Variants in SAMD4A observed in about 807,000 individuals in gnomAD.
SAMD4A encodes protein Smaug homolog 1.
Under a neutral mutation model 81.3 loss-of-function variants are expected in SAMD4A, and 33 were observed. That is an observed-to-expected ratio of 0.41 (90% CI 0.31 to 0.54). The LOEUF is 0.54. Among genes scored for constraint, SAMD4A ranks in the 20% least tolerant of loss-of-function variants. SAMD4A has a pLI of 0.37. For missense variants in SAMD4A, 854 were observed against 951.1 expected (o/e 0.90, Z 1.34); for synonymous variants, 389 against 382.1 (o/e 1.02, Z -0.21).
At chr14:54,727,142 T>C (rs1230287194) in intron 3 of SAMD4A, among the ~76,000 whole-genome samples, 2 of 148,566 alleles carry the variant, frequency 1.3e-5, no homozygotes, top group Non-Finnish European at 3.0e-5. Flanking sequence ...GAATGAAGCT[T>C]ATCACAACAG....
At chr14:54,592,889 C>T (rs1488472506) in intron 2 of SAMD4A, among the ~76,000 whole-genome samples, 6 of 152,092 alleles carry the variant, frequency 3.9e-5, no homozygotes, top group Admixed American at 2.6e-4. Flanking sequence ...TATGTTTATG[C>T]GTGTTTTTAA....
At chr14:54,609,162 T>C (rs774274815) in intron 2 of SAMD4A, among the ~76,000 whole-genome samples, 6 of 152,192 alleles carry the variant, frequency 3.9e-5, no homozygotes, top group Non-Finnish European at 8.8e-5. Context: ...TTATCCCAGA[T>C]TATTGTAGTG....
At position 54,576,469 on chromosome 14, in the gene SAMD4A, C is replaced by T. The variant is rs12590747; in HGVS notation, c.196+8357C>T. Among the ~76,000 whole-genome samples the T allele has an allele frequency of 7.2e-4, 110 of 152,278 alleles. No individual in the cohort carries two copies. The East Asian group carries it at 0.015, about 21-fold the overall frequency. ...AAGGAGGGAGAAACCAGGTTTTGCACATTGTAGGCATCTGAGAGGTTAATA... is the reference window on the plus strand; with the variant it reads ...AAGGAGGGAGAAACCAGGTTTTGCATATTGTAGGCATCTGAGAGGTTAATA... On this transcript the variant is annotated intron_variant, in intron 2 of 12. Transcript: ENST00000554335.
intron 3 of SAMD4A, among the ~76,000 whole-genome samples, chr14:54,710,479 A>G (rs2036961283): frequency 6.6e-6 from 1 of 152,194 alleles, no homozygotes; most frequent in South Asian, 2.1e-4. Flanking sequence ...TCACAGACCT[A>G]CTAAGTAGTT....
intron 11 of SAMD4A, among the ~76,000 whole-genome samples, chr14:54,782,447 G>T (rs1468795629): frequency 6.6e-6 from 1 of 152,050 alleles, no homozygotes; most frequent in Non-Finnish European, 1.5e-5. Context: ...CACATGAATG[G>T]ATGAAAATAC....
chr14:54,733,961 C>A (rs867890098), intron 3 of SAMD4A, among the ~76,000 whole-genome samples: 2 of 152,322 alleles, frequency 1.3e-5, no homozygotes, highest in Middle Eastern at 6.8e-3. Context: ...CTGGCCCCCT[C>A]GTCAATTCCA....
At chr14:54,719,685 G>GT (rs1434780880) in intron 3 of SAMD4A, among the ~76,000 whole-genome samples, 2 of 152,140 alleles carry the variant, frequency 1.3e-5, no homozygotes, top group Non-Finnish European at 2.9e-5. Context: ...ACTGACCTGG[G>GT]TTTGAGTCCC....
intron 2 of SAMD4A, among the ~76,000 whole-genome samples, chr14:54,618,578 G>T (rs1279739674): frequency 4.8e-4 from 73 of 152,156 alleles, no homozygotes; most frequent in Non-Finnish European, 8.8e-5. Context: ...TTTAAGTCAA[G>T]TTTAGAATAG....
At chr14:54,720,238 A>C (rs1409404293) in intron 3 of SAMD4A, among the ~76,000 whole-genome samples, 1 of 152,054 alleles carries the variant, frequency 6.6e-6, no homozygotes, top group African/African-American at 2.4e-5. Flanking sequence ...ATAGCTGCCA[A>C]ATCTTTTCTA....
intron 2 of SAMD4A, among the ~76,000 whole-genome samples, chr14:54,608,664 C>G (rs1245692547): frequency 6.6e-6 from 1 of 152,164 alleles, no homozygotes; most frequent in Non-Finnish European, 1.5e-5. Flanking sequence ...ATTCTTTGAG[C>G]AATGGATTTT....
chr14:54,776,015 TAAAAAA>T (rs10539223), intron 10 of SAMD4A, among the ~76,000 whole-genome samples: 27 of 89,838 alleles, frequency 3.0e-4, no homozygotes, highest in African/African-American at 7.7e-4. Flanking sequence ...GTAAGAATCT[TAAAAAA>T]AAAAAAAAAA....
At chr14:54,735,901 C>G (rs988285795) in intron 3 of SAMD4A, among the ~76,000 whole-genome samples, 1 of 152,160 alleles carries the variant, frequency 6.6e-6, no homozygotes, top group Non-Finnish European at 1.5e-5. Context: ...GAGCAAATGC[C>G]TCATGGATGG....
intron 2 of SAMD4A, among the ~76,000 whole-genome samples, chr14:54,614,654 G>T: frequency 6.6e-6 from 1 of 152,142 alleles, no homozygotes; most frequent in East Asian, 1.9e-4. Context: ...AGTGTTTCAG[G>T]TTGCCTATAA....
intron 4 of SAMD4A, among the ~76,000 whole-genome samples, chr14:54,742,183 G>T (rs1275554116): frequency 6.6e-6 from 1 of 152,056 alleles, no homozygotes; most frequent in Non-Finnish European, 1.5e-5. Context: ...GAGTATTCGG[G>T]GTTCTTCATG....
At chr14:54,629,492 C>G (rs1198160651) in intron 2 of SAMD4A, among the ~76,000 whole-genome samples, 2 of 152,172 alleles carry the variant, frequency 1.3e-5, no homozygotes, top group Admixed American at 1.3e-4. Context: ...TTTTATCTGT[C>G]CCTTCCCATC....
chr14:54,681,976 A>C, intron 2 of SAMD4A: 5 of 985,368 alleles, frequency 5.1e-6, no homozygotes, highest in Non-Finnish European at 6.0e-6. Context: ...CAAAATAATT[A>C]TGCTGTCATA....
At chr14:54,649,647 G>A (rs1331238380) in intron 2 of SAMD4A, among the ~76,000 whole-genome samples, 1 of 152,170 alleles carries the variant, frequency 6.6e-6, no homozygotes, top group Non-Finnish European at 1.5e-5. Flanking sequence ...GTATTTTGGG[G>A]CCATTTAATA....
intron 2 of SAMD4A, among the ~76,000 whole-genome samples, chr14:54,632,894 G>T (rs1317555735): frequency 6.6e-6 from 1 of 152,208 alleles, no homozygotes; most frequent in Non-Finnish European, 1.5e-5. Context: ...ACTATGTATA[G>T]TAATTTATTT....
chr14:54,777,567 T>C (rs2038888243), intron 11 of SAMD4A, among the ~76,000 whole-genome samples: 1 of 152,070 alleles, frequency 6.6e-6, no homozygotes, highest in Non-Finnish European at 1.5e-5. Flanking sequence ...TGGGGGACTT[T>C]GAATCCAAAG....
Sources: gnomAD v4.1 joint callset for allele counts (sites outside exome capture counted in the v4.1 genomes callset) on GRCh38, gnomAD v4.1.1 for gene constraint, MANE v1.5 for transcripts, NCBI Gene and HGNC (gene_info 2026-07-23, HGNC 2026-07-21) for gene names.